MROH1: variants seen among roughly 807,000 people sequenced by gnomAD.
MROH1 encodes maestro heat like repeat family member 1, also known as maestro heat-like repeat-containing protein family member 1.
MROH1 carries 117 observed loss-of-function variants against 116.5 expected under a neutral mutation model. The ratio of observed to expected loss-of-function variants is 1.00; its 90% confidence interval spans 0.86 to 1.17. The LOEUF is 1.17. Among genes scored for constraint, MROH1 ranks in the 50% most tolerant of loss-of-function variants. The pLI is 0.00. For missense variants in MROH1, 1,873 were observed against 1,338.5 expected (o/e 1.40, Z -6.23); for synonymous variants, 921 against 583.9 (o/e 1.58, Z -8.32).
At chr8:144,244,574 G>T (rs1841567701) in intron 28 of MROH1, 35 bp downstream of exon 28, 1 of 727,350 alleles carries the variant, frequency 1.4e-6, no homozygotes, top group Non-Finnish European at 2.6e-6. Context: ...GGATGGGGAT[G>T]GGGGCACAGA....
At chr8:144,259,039 C>G (rs1364726236) in intron 36 of MROH1, 125 bp downstream of exon 36, 1 of 643,114 alleles carries the variant, frequency 1.6e-6, no homozygotes, top group Non-Finnish European at 2.8e-6. Flanking sequence ...GGGCTCCTGC[C>G]TGTTCACTCT....
rs1025128588 is a variant in MROH1 at position 144,261,680 on chromosome 8, G to A, written c.4866G>A (p.Pro1622=). Residue 1622 remains proline (P), a synonymous_variant, in exon 44 of 44, where the codon CCG becomes CCA. Transcript: ENST00000326134. Reference sequence around the variant, plus strand: ...CGCTCCAGATCCTGCTGAAGGACCCGGCCCCCGAGGTGCGGACGAGGGCTG... The same window carrying A: ...CGCTCCAGATCCTGCTGAAGGACCCAGCCCCCGAGGTGCGGACGAGGGCTG... ...IAALQILLKD[P]APEVRTRAAE... is the part of the protein sequence containing the mutation. 44 of 726,982 alleles carry A rather than the reference G, an allele frequency of 6.1e-5. No individual in the cohort carries two copies. The highest frequency in any genetic ancestry group is 9.1e-5 in the Admixed American group (5 of 54,788). 45.0% of individuals were successfully genotyped at this position (726,982 alleles called of 1,614,324 possible).
rs1391563693 is a variant in MROH1 at position 144,157,290 on chromosome 8, C to T, written c.-176-3680C>T. 3.3e-5 allele frequency among the ~76,000 whole-genome samples: 5 copies of T among 152,168 alleles called. No individual in the cohort carries two copies. The South Asian group carries it at 8.3e-4, about 25-fold the overall frequency. ...ATAGACAGGGCTTCACCATGTTGGC[C>T]AGGCTGGTCTCAAACTCCTGACCTC... On this transcript the variant is annotated intron_variant, in intron 1 of 43. Coordinates refer to ENST00000326134, the MANE Select transcript of MROH1 (RefSeq NM_032450.3).
At chr8:144,154,567 G>C (rs1040894289) in intron 1 of MROH1, among the ~76,000 whole-genome samples, 2 of 152,070 alleles carry the variant, frequency 1.3e-5, no homozygotes, top group Non-Finnish European at 2.9e-5. Context: ...CTCACTGCCT[G>C]AGCTCACTGC....
rs1440389683 is a variant in MROH1, at chr8:144,241,412, C to T, written c.2073C>T (p.Phe691=). Residue 691 remains phenylalanine (F), a synonymous_variant, in exon 22 of 44, where the codon TTC becomes TTT. Transcript: ENST00000326134. The part of the protein sequence containing the change: ...EAEREGLACC[F]GICAISHLED... ...CCCCCCAGGGCCTCGCCTGCTGCTT[C>T]GGGATCTGTGCCATCTCCCACCTCG... The T allele has an allele frequency of 6.4e-6, 5 of 778,078 alleles. No individual in the cohort carries two copies. The highest frequency in any genetic ancestry group is 4.8e-5 in the East Asian group (2 of 41,256). The allele number at this position is 778,078 out of a possible 1,614,324, so 48.2% of individuals were successfully genotyped here.
intron 7 of MROH1, among the ~76,000 whole-genome samples, chr8:144,185,137 C>A (rs1490100513): frequency 6.6e-6 from 1 of 152,188 alleles, no homozygotes; most frequent in Non-Finnish European, 1.5e-5. Context: ...CCCAGGATTT[C>A]TGTGCAGTGT....
chr8:144,157,532 A>G (rs1209397483), intron 1 of MROH1, among the ~76,000 whole-genome samples: 3 of 146,744 alleles, frequency 2.0e-5, no homozygotes, highest in South Asian at 2.1e-4. Context: ...GAAACCATCT[A>G]GGTTTTATGG....
chr8:144,173,674 C>T (rs1264570924), intron 4 of MROH1, among the ~76,000 whole-genome samples: 2 of 152,102 alleles, frequency 1.3e-5, no homozygotes, highest in Admixed American at 6.5e-5. Flanking sequence ...CCACCCACCT[C>T]GGCCTCCCAA....
intron 29 of MROH1, among the ~76,000 whole-genome samples, chr8:144,245,664 CTCTT>C (rs1841759768): frequency 1.3e-5 from 2 of 151,514 alleles, no homozygotes; most frequent in Non-Finnish European, 2.9e-5. Flanking sequence ...TCTTTTCTCT[CTCTT>C]TTTTTCCCTG....
intron 4 of MROH1, among the ~76,000 whole-genome samples, chr8:144,168,994 A>G (rs1047826616): frequency 6.6e-5 from 10 of 152,354 alleles, no homozygotes; most frequent in African/African-American, 1.9e-4. Context: ...TCAGCCTCAC[A>G]GGGATGCCAA....
At chr8:144,251,965 C>T (rs1381819370) in intron 33 of MROH1, 2 of 234,766 alleles carry the variant, frequency 8.5e-6, no homozygotes, top group Non-Finnish European at 1.7e-5. Flanking sequence ...CCGGGTGCTG[C>T]TGCCCATCCT....
rs1386852089 is a variant in MROH1 at position 144,239,373 on chromosome 8, G to A, written c.1632+10G>A. 4 of 780,324 alleles carry A rather than the reference G, an allele frequency of 5.1e-6. No individual in the cohort carries two copies. Among genetic ancestry groups the A allele is most frequent in the Admixed American group, 3.4e-5 (2 of 59,000 alleles). 48.3% of individuals were successfully genotyped at this position (780,324 alleles called of 1,614,324 possible). On this transcript the variant is annotated intron_variant, in intron 17 of 43. Coordinates refer to ENST00000326134, the MANE Select transcript of MROH1 (RefSeq NM_032450.3). ...AACCGGAAGACTGTTGGTGAGCCTC[G>A]CCCTTTCACAGCGTGCCCAGCGCCC...
At chr8:144,195,194 T>TGAAAAAAAAAAAAAAAAAA (rs1829537976) in intron 10 of MROH1, among the ~76,000 whole-genome samples, 1 of 1,070 alleles carries the variant, frequency 9.3e-4, no homozygotes, top group Non-Finnish European at 2.3e-3. Context: ...GACTGTGTCT[T>TGAAAAAAAAAAAAAAAAAA]TAAAAAAAAA....
At chr8:144,255,313 C>G (rs980839314) in intron 34 of MROH1, among the ~76,000 whole-genome samples, 196 bp from the exon 35 acceptor site, 9 of 151,960 alleles carry the variant, frequency 5.9e-5, no homozygotes, top group Non-Finnish European at 1.3e-4. Context: ...GACTGCCCCT[C>G]TGTCCCTGTC....
intron 11 of MROH1, 75 bp from the exon 12 acceptor site, chr8:144,200,353 T>C (rs902799510): frequency 1.7e-6 from 2 of 1,195,146 alleles, no homozygotes; most frequent in Admixed American, 2.4e-5. Flanking sequence ...TCCCCTGTGC[T>C]GGAGAGTAGG....
rs997629920 is a variant in MROH1, at chr8:144,243,588, G to A, written c.2447G>A (p.Arg816Gln). ...STQAGSFHFTRKAELVAQMME... is the reference protein window; with the variant it reads ...STQAGSFHFTQKAELVAQMME... ...CAGGCTGGCTCCTTCCACTTCACCC[G>A]GAAAGCAGAGCTGGTGGCACAGATG... is the stretch of plus-strand genomic sequence containing the variant. Residue 816 changes from arginine (R) to glutamine (Q), a missense_variant, in exon 25 of 44, where the codon CGG (arginine) becomes CAG (glutamine). By Grantham distance (43) the Arg-to-Gln change is conservative (BLOSUM62 1). Coordinates refer to ENST00000326134, the MANE Select transcript of MROH1 (RefSeq NM_032450.3). 95 of 779,912 alleles carry A rather than the reference G, an allele frequency of 1.2e-4. No homozygotes were observed. Among genetic ancestry groups the A allele is most frequent in the East Asian group, 7.0e-4 (29 of 41,266 alleles). The allele number at this position is 779,912 out of a possible 1,614,324, so 48.3% of individuals were successfully genotyped here.
Position 144,190,871 on chromosome 8 carries a change from C to T in MROH1, c.650C>T (p.Ala217Val). The change falls in exon 8 of 44, where the codon GCC (alanine) becomes GTC (valine). Residue 217 changes from alanine (A) to valine (V), a missense_variant. Ala to Val is a moderately conservative substitution (Grantham distance 64). Coordinates refer to ENST00000326134, the MANE Select transcript of MROH1 (RefSeq NM_032450.3). Reference sequence around the variant, plus strand: ...CCCACGGTCAGGAAGGACGCCTTTGCCACCGACATCTTCAGCGCCTACGAT... The same window carrying T: ...CCCACGGTCAGGAAGGACGCCTTTGTCACCGACATCTTCAGCGCCTACGAT... ...PDPTVRKDAF[A>V]TDIFSAYDVL... The T allele has an allele frequency of 6.2e-7, 1 of 1,613,818 alleles. No individual in the cohort carries two copies. Among genetic ancestry groups the T allele is most frequent in the African/African-American group, 1.3e-5 (1 of 75,044 alleles).
chr8:144,256,546 A>G lies in MROH1; in HGVS notation c.3791+841A>G, dbSNP rs1843847069. Among the ~76,000 whole-genome samples the G allele has an allele frequency of 3.3e-5, 5 of 152,348 alleles. No homozygotes were observed. In the South Asian group the frequency reaches 8.3e-4, roughly 25 times the overall value. On this transcript the variant is annotated intron_variant, in intron 35 of 43. Transcript: ENST00000326134. ...TGCCAGCGCTGCTCTGCCCCTAGCA[A>G]ACTGAGTGGAAAATGTGAATGGGAT...
chr8:144,165,897 C>T (rs1224561196), intron 3 of MROH1, among the ~76,000 whole-genome samples: 3 of 150,586 alleles, frequency 2.0e-5, no homozygotes, highest in African/African-American at 2.4e-5. Context: ...TTTTCCCCAT[C>T]GAGATGGAGT....
Sources: allele counts gnomAD v4.1 joint callset (sites outside exome capture counted in the v4.1 genomes callset), GRCh38; gene constraint gnomAD v4.1.1; transcripts MANE v1.5; gene names NCBI Gene and HGNC (gene_info 2026-07-23, HGNC 2026-07-21).